Variants in TSPAN9 observed in about 807,000 individuals in gnomAD.
TSPAN9 encodes the protein tetraspanin 9.
A neutral mutation model predicts 31.0 loss-of-function variants in TSPAN9; 16 were observed. The observed-to-expected ratio is 0.52, with a 90% CI of 0.35 to 0.78. TSPAN9 has a LOEUF of 0.78. Among genes scored for constraint, TSPAN9 ranks in the 30% least tolerant of loss-of-function variants. The pLI is 0.01. For synonymous variants in TSPAN9, 145 were observed against 121.6 expected (o/e 1.19, Z -1.27); for missense variants, 272 against 312.5 (o/e 0.87, Z 0.98).
intron 2 of TSPAN9, among the ~76,000 whole-genome samples, chr12:3,133,839 T>C (rs2098330902): frequency 6.6e-6 from 1 of 152,258 alleles, no homozygotes; most frequent in Admixed American, 6.5e-5. Context: ...TAGCATCACC[T>C]CTTGATCACC....
Position 3,139,837 on chromosome 12 carries a change from C to T in TSPAN9, c.-18+56118C>T, listed in dbSNP as rs541934691. ...TGTTAGGATTACAGGCAGGAGCCACCGTGCCTGGCCTCAGATAGCTTTTAT... is the reference window on the plus strand; with the variant it reads ...TGTTAGGATTACAGGCAGGAGCCACTGTGCCTGGCCTCAGATAGCTTTTAT... On this transcript the variant is annotated intron_variant, in intron 2 of 8. Transcript: ENST00000011898. Among the ~76,000 whole-genome samples, 10 of 152,322 alleles carry T rather than the reference C, an allele frequency of 6.6e-5. No homozygotes were observed. In the South Asian group the frequency reaches 1.2e-3, roughly 19 times the overall value.
intron 2 of TSPAN9, among the ~76,000 whole-genome samples, chr12:3,084,872 C>G (rs1259183510): frequency 6.6e-6 from 1 of 152,212 alleles, no homozygotes; most frequent in Non-Finnish European, 1.5e-5. Flanking sequence ...CTGTTCTTAA[C>G]TGACTCTGGG....
At chr12:3,260,699 T>C (rs1862432455) in intron 3 of TSPAN9, among the ~76,000 whole-genome samples, 1 of 152,066 alleles carries the variant, frequency 6.6e-6, no homozygotes, top group African/African-American at 2.4e-5. Flanking sequence ...GTGAGGGAAG[T>C]CAGGTGCTCC....
At chr12:3,213,352 C>G (rs1340996059) in intron 3 of TSPAN9, among the ~76,000 whole-genome samples, 1 of 152,206 alleles carries the variant, frequency 6.6e-6, no homozygotes, top group Admixed American at 6.5e-5. Context: ...GGGGGCTTCC[C>G]CCGCTTGTTG....
intron 2 of TSPAN9, among the ~76,000 whole-genome samples, chr12:3,142,031 T>A (rs1265912912): frequency 6.6e-6 from 1 of 152,190 alleles, no homozygotes; most frequent in South Asian, 2.1e-4. Context: ...TTGCGCTAAG[T>A]GTCTTACCAT....
chr12:3,119,939 G>A (rs1206694365), intron 2 of TSPAN9, among the ~76,000 whole-genome samples: 1 of 152,144 alleles, frequency 6.6e-6, no homozygotes, highest in South Asian at 2.1e-4. Flanking sequence ...TGGGCTGGCT[G>A]TGTGACCATG....
intron 3 of TSPAN9, among the ~76,000 whole-genome samples, chr12:3,276,345 C>T (rs1231433487): frequency 1.3e-5 from 2 of 152,238 alleles, no homozygotes; most frequent in East Asian, 1.9e-4. Flanking sequence ...GACACTTGCA[C>T]GTTTCCTTTA....
At chr12:3,110,398 C>T (rs189811997) in intron 2 of TSPAN9, among the ~76,000 whole-genome samples, 15 of 152,350 alleles carry the variant, frequency 9.8e-5, no homozygotes, top group Admixed American at 6.5e-4. Flanking sequence ...AGCCACCATG[C>T]TGGCCAAAAG....
intron 3 of TSPAN9, among the ~76,000 whole-genome samples, chr12:3,234,254 C>G (rs368089470): frequency 1.3e-4 from 20 of 152,298 alleles, no homozygotes; most frequent in African/African-American, 4.3e-4. Flanking sequence ...TCCTGGCCAT[C>G]CTTTGATTGT....
chr12:3,080,577 C>G (rs182293769), intron 1 of TSPAN9, among the ~76,000 whole-genome samples: 89 of 152,286 alleles, frequency 5.8e-4, no homozygotes, highest in Admixed American at 5.8e-3. Flanking sequence ...ACCTCATGAT[C>G]CACCCTCCTC....
intron 2 of TSPAN9, among the ~76,000 whole-genome samples, chr12:3,128,959 C>A (rs1198232592): frequency 1.3e-5 from 2 of 152,172 alleles, no homozygotes; most frequent in African/African-American, 2.4e-5. Flanking sequence ...TTATCATCAT[C>A]CATTTTCTGG....
At chr12:3,228,890 C>T (rs1194360933) in intron 3 of TSPAN9, among the ~76,000 whole-genome samples, 2 of 152,248 alleles carry the variant, frequency 1.3e-5, no homozygotes, top group Non-Finnish European at 2.9e-5. Flanking sequence ...TTCCTTGCCT[C>T]TCCCAGCTTC....
At chr12:3,265,437 T>C (rs1366510315) in intron 3 of TSPAN9, among the ~76,000 whole-genome samples, 1 of 152,186 alleles carries the variant, frequency 6.6e-6, no homozygotes, top group Non-Finnish European at 1.5e-5. Flanking sequence ...AGCATTGTTA[T>C]TATTTCCATG....
At chr12:3,096,144 G>A (rs1469902509) in intron 2 of TSPAN9, among the ~76,000 whole-genome samples, 2 of 152,204 alleles carry the variant, frequency 1.3e-5, no homozygotes, top group African/African-American at 4.8e-5. Flanking sequence ...CGCTTGTGTA[G>A]TTTTAAATGT....
chr12:3,197,711 AC>A (rs1479590241), intron 2 of TSPAN9, among the ~76,000 whole-genome samples: 23 of 132,302 alleles, frequency 1.7e-4, no homozygotes, highest in African/African-American at 5.6e-4. Context: ...AGCACAGGTC[AC>A]CACCAGCACA....
chr12:3,211,970 ATTTC>A (rs2098378962), intron 3 of TSPAN9: 10 of 982,000 alleles, frequency 1.0e-5, no homozygotes, highest in South Asian at 5.6e-5. Flanking sequence ...CTGTCTTTGT[ATTTC>A]TTTCTTTTAT....
intron 2 of TSPAN9, among the ~76,000 whole-genome samples, chr12:3,184,053 G>A (rs2098359802): frequency 6.6e-6 from 1 of 152,150 alleles, no homozygotes; most frequent in South Asian, 2.1e-4. Flanking sequence ...GGGAGAAGTA[G>A]ACCAAATGAT....
intron 3 of TSPAN9, among the ~76,000 whole-genome samples, chr12:3,221,793 C>T (rs145079021): frequency 1.4e-3 from 218 of 152,330 alleles, no homozygotes; most frequent in African/African-American, 5.0e-3. Flanking sequence ...GTAGCTGGGA[C>T]TACAGGCATG....
At chr12:3,117,941 G>C (rs1336088505) in intron 2 of TSPAN9, among the ~76,000 whole-genome samples, 1 of 152,118 alleles carries the variant, frequency 6.6e-6, no homozygotes, top group African/African-American at 2.4e-5. Context: ...GAGGTGAAGG[G>C]AATGGCCTGA....
Sources: gnomAD v4.1 joint callset for allele counts (sites outside exome capture counted in the v4.1 genomes callset) on GRCh38, gnomAD v4.1.1 for gene constraint, MANE v1.5 for transcripts, NCBI Gene and HGNC (gene_info 2026-07-23, HGNC 2026-07-21) for gene names.